GOLPH3: variants seen among roughly 807,000 people sequenced by gnomAD.
GOLPH3 encodes the protein coat protein GPP34.
In GOLPH3, 14 loss-of-function variants were observed where a neutral mutation model predicts 28.5. The ratio of observed to expected loss-of-function variants is 0.49; its 90% CI spans 0.32 to 0.77. GOLPH3 has a LOEUF of 0.77. GOLPH3 is among the 30% of genes least tolerant of loss of function. GOLPH3 has a pLI of 0.03. For synonymous variants in GOLPH3, 158 were observed against 159.2 expected (o/e 0.99, Z 0.06); for missense variants, 350 against 393.7 (o/e 0.89, Z 0.94).
intron 1 of GOLPH3, among the ~76,000 whole-genome samples, chr5:32,167,478 A>T (rs1011549196): frequency 6.6e-6 from 1 of 152,108 alleles, no homozygotes; most frequent in African/African-American, 2.4e-5. Flanking sequence ...AGCCTTCAAA[A>T]TACAATTCTA....
chr5:32,131,387 G>C (rs933441290), intron 3 of GOLPH3, among the ~76,000 whole-genome samples: 2 of 152,230 alleles, frequency 1.3e-5, no homozygotes, highest in African/African-American at 4.8e-5. Flanking sequence ...GCGTAAGTAA[G>C]ACATCAGTAT....
intron 1 of GOLPH3, among the ~76,000 whole-genome samples, chr5:32,154,214 C>T (rs1746369060): frequency 6.6e-6 from 1 of 152,134 alleles, no homozygotes; most frequent in East Asian, 1.9e-4. Context: ...AGCTAAGGCA[C>T]AAACTCCTAA....
chr5:32,165,982 G>GCTAAAACAA (rs1315832043), intron 1 of GOLPH3, among the ~76,000 whole-genome samples: 1 of 152,152 alleles, frequency 6.6e-6, no homozygotes, highest in East Asian at 1.9e-4. Flanking sequence ...AAAACCTTAA[G>GCTAAAACAA]CTAAAACAAA....
intron 1 of GOLPH3, among the ~76,000 whole-genome samples, chr5:32,165,214 A>T (rs978699952): frequency 6.6e-5 from 10 of 152,082 alleles, no homozygotes; most frequent in Non-Finnish European, 1.5e-4. Flanking sequence ...TAGGTAAATT[A>T]TGTATTCTTA....
At position 32,155,313 on chromosome 5, in the gene GOLPH3, G is replaced by A. The variant is rs150001514; in HGVS notation, c.226-11433C>T. On this transcript the variant is annotated intron_variant, in intron 1 of 3. Coordinates refer to ENST00000265070, the MANE Select transcript of GOLPH3 (RefSeq NM_022130.4). ...TGATCTGCCCACCTCAGCCTCCTGA[G>A]TAGCTGAGACTATAAGCAGGCACCA... is the stretch of plus-strand genomic sequence containing the variant. Among the ~76,000 whole-genome samples the A allele has an allele frequency of 3.0e-3, 454 of 152,198 alleles. 2 individuals are homozygous for A. The highest frequency in any genetic ancestry group is 0.011 in the African/African-American group (444 of 41,510).
intron 1 of GOLPH3, among the ~76,000 whole-genome samples, chr5:32,154,278 C>T (rs1327026013): frequency 1.3e-5 from 2 of 152,150 alleles, no homozygotes; most frequent in Non-Finnish European, 2.9e-5. Context: ...CTTTTAAGTG[C>T]ATAAAATGCA....
chr5:32,136,521 G>C (rs1001975345), intron 2 of GOLPH3, among the ~76,000 whole-genome samples: 1 of 150,366 alleles, frequency 6.7e-6, no homozygotes, highest in Admixed American at 6.6e-5. Flanking sequence ...AATTAGTAAA[G>C]CAACATACTA....
intron 1 of GOLPH3, among the ~76,000 whole-genome samples, chr5:32,162,268 G>A (rs543789096): frequency 4.0e-5 from 6 of 150,798 alleles, no homozygotes; most frequent in Admixed American, 2.0e-4. Flanking sequence ...CAAGGTGGGC[G>A]GATCACGAGG....
At chr5:32,165,803 T>C (rs1024533764) in intron 1 of GOLPH3, among the ~76,000 whole-genome samples, 2 of 152,168 alleles carry the variant, frequency 1.3e-5, no homozygotes, top group African/African-American at 2.4e-5. Context: ...TAATCCTAGA[T>C]TAGAAGCAGT....
At chr5:32,130,823 C>G (rs1745812110) in intron 3 of GOLPH3, among the ~76,000 whole-genome samples, 1 of 152,084 alleles carries the variant, frequency 6.6e-6, no homozygotes. Context: ...TGAACTTATG[C>G]TAAGGTTTAT....
intron 1 of GOLPH3, among the ~76,000 whole-genome samples, chr5:32,166,781 C>T (rs886200196): frequency 2.7e-5 from 4 of 149,392 alleles, no homozygotes; most frequent in Middle Eastern, 3.4e-3. Context: ...CACTTCAGCC[C>T]GAGTGATAAA....
At chr5:32,150,831 T>A (rs888685541) in intron 1 of GOLPH3, among the ~76,000 whole-genome samples, 53 of 152,320 alleles carry the variant, frequency 3.5e-4, no homozygotes, top group African/African-American at 1.3e-3. Flanking sequence ...AAATTGGGAT[T>A]CTCAATCTGT....
chr5:32,133,602 CATT>C (rs1167424939), intron 3 of GOLPH3, among the ~76,000 whole-genome samples: 1 of 152,216 alleles, frequency 6.6e-6, no homozygotes, highest in Non-Finnish European at 1.5e-5. Context: ...TATTTTAAAA[CATT>C]ATGTTTACTA....
At chr5:32,168,975 CACA>C (rs1441188659) in intron 1 of GOLPH3, among the ~76,000 whole-genome samples, 18 of 150,962 alleles carry the variant, frequency 1.2e-4, no homozygotes, top group Admixed American at 1.2e-3. Context: ...AACCAAAAAA[CACA>C]ACAACAAAAA....
At chr5:32,166,778 G>A (rs1026455626) in intron 1 of GOLPH3, among the ~76,000 whole-genome samples, 21 of 150,830 alleles carry the variant, frequency 1.4e-4, no homozygotes, top group Admixed American at 1.2e-3. Context: ...TTGCACTTCA[G>A]CCCGAGTGAT....
chr5:32,169,667 C>T (rs919907052), intron 1 of GOLPH3, among the ~76,000 whole-genome samples: 8 of 152,104 alleles, frequency 5.3e-5, no homozygotes, highest in African/African-American at 1.7e-4. Flanking sequence ...CTATGGAAAG[C>T]ATCTATAGAA....
intron 3 of GOLPH3, among the ~76,000 whole-genome samples, chr5:32,131,395 T>A (rs926297316): frequency 1.3e-5 from 2 of 152,164 alleles, no homozygotes; most frequent in African/African-American, 4.8e-5. Context: ...AAGACATCAG[T>A]ATAAGTGGGA....
chr5:32,155,276 G>A (rs925345961), intron 1 of GOLPH3, among the ~76,000 whole-genome samples: 1 of 152,022 alleles, frequency 6.6e-6, no homozygotes, highest in Non-Finnish European at 1.5e-5. Flanking sequence ...ACCTTGAACT[G>A]CTGGGCTGAA....
At chr5:32,153,811 C>A (rs1393668447) in intron 1 of GOLPH3, among the ~76,000 whole-genome samples, 1 of 152,040 alleles carries the variant, frequency 6.6e-6, no homozygotes, top group African/African-American at 2.4e-5. Flanking sequence ...TCTCTGTATA[C>A]GAAAGAGTCC....
Sources: gnomAD v4.1 joint callset for allele counts (sites outside exome capture counted in the v4.1 genomes callset) on GRCh38, gnomAD v4.1.1 for gene constraint, MANE v1.5 for transcripts, NCBI Gene and HGNC (gene_info 2026-07-23, HGNC 2026-07-21) for gene names.